Variants in KANTR observed in about 807,000 individuals in gnomAD.
KANTR encodes KDM5C adjacent transcript.
chrX:53,103,708 C>G (rs113269476), intron 2 of KANTR, among the ~76,000 whole-genome samples: 1,630 of 111,912 alleles, frequency 0.015, 30 homozygotes, highest in African/African-American at 0.05. Context: ...TGTCCTTACA[C>G]TCAGGCTTCC....
chrX:53,140,259 G>A (rs1331830721), intron 2 of KANTR, among the ~76,000 whole-genome samples: 2 of 111,888 alleles, frequency 1.8e-5, no homozygotes, highest in African/African-American at 6.5e-5. Flanking sequence ...CACTTTGGAA[G>A]GCCGAGGCAA....
At chrX:53,131,879 G>A (rs1473543787), downstream of KANTR, among the ~76,000 whole-genome samples, 3 of 112,139 alleles carry the variant, frequency 2.7e-5, no homozygotes, top group Non-Finnish European at 5.6e-5. Flanking sequence ...AAATCCAACT[G>A]AGTCCACCAA....
intron 2 of KANTR, among the ~76,000 whole-genome samples, chrX:53,104,632 A>G (rs1404116624): frequency 9.0e-6 from 1 of 111,535 alleles, no homozygotes; most frequent in East Asian, 2.8e-4. Context: ...TGTCTATTCT[A>G]GATATTCCAT....
At chrX:53,146,944 C>T (rs1556819441), downstream of KANTR, among the ~76,000 whole-genome samples, 1 of 111,791 alleles carries the variant, frequency 8.9e-6, no homozygotes, top group South Asian at 3.8e-4. Context: ...ACCAAGCCTG[C>T]CCTAAAAGAG....
downstream of KANTR, among the ~76,000 whole-genome samples, chrX:53,127,629 A>G (rs1221835530): frequency 1.8e-5 from 2 of 111,600 alleles, no homozygotes; most frequent in Non-Finnish European, 3.8e-5. Flanking sequence ...CTCAGTTGGT[A>G]GGGTTGTGGC....
intron 2 of KANTR, among the ~76,000 whole-genome samples, chrX:53,100,542 G>A (rs1932882142): frequency 9.1e-6 from 1 of 110,418 alleles, no homozygotes; most frequent in African/African-American, 3.3e-5. Context: ...GCTCACGCCT[G>A]TAATCCCAGC....
At chrX:53,143,149 C>CACAGA (rs1214702680), downstream of KANTR, 71 of 988,965 alleles carry the variant, frequency 7.2e-5, no homozygotes, top group Middle Eastern at 5.2e-4. Flanking sequence ...CACCTGCAGA[C>CACAGA]ACCAGAACCA....
chrX:53,138,950 A>G (rs952124153), intron 2 of KANTR, among the ~76,000 whole-genome samples: 10 of 110,367 alleles, frequency 9.1e-5, no homozygotes, highest in African/African-American at 3.0e-4. Flanking sequence ...ACAGTGTCTC[A>G]ACGCCTGTAA....
chrX:53,131,961 A>G (rs1556817091), downstream of KANTR, among the ~76,000 whole-genome samples: 1 of 112,553 alleles, frequency 8.9e-6, no homozygotes, highest in Non-Finnish European at 1.9e-5. Context: ...TACAAAAATT[A>G]GTTGTATATC....
At chrX:53,139,777 G>A (rs1556818203) in intron 2 of KANTR, among the ~76,000 whole-genome samples, 1 of 111,667 alleles carries the variant, frequency 9.0e-6, no homozygotes, top group East Asian at 2.8e-4. Flanking sequence ...AGTGAGCTGT[G>A]GTCATGCCAC....
intron 2 of KANTR, among the ~76,000 whole-genome samples, chrX:53,101,444 A>C: frequency 8.9e-6 from 1 of 111,747 alleles, no homozygotes; most frequent in African/African-American, 3.3e-5. Context: ...TGTCTCCAAA[A>C]AAATAAAAAT....
intron 2 of KANTR, among the ~76,000 whole-genome samples, chrX:53,133,417 G>T (rs1569240414): frequency 2.7e-5 from 3 of 109,901 alleles, no homozygotes; most frequent in Admixed American, 9.6e-5. Context: ...GAAAGTGTCT[G>T]TTCCCTTGGC....
At chrX:53,141,669 A>G (rs782192097) in intron 2 of KANTR, among the ~76,000 whole-genome samples, 4 of 87,490 alleles carry the variant, frequency 4.6e-5, no homozygotes, top group African/African-American at 7.7e-5. Flanking sequence ...CCCACTCTCT[A>G]TTATTGGATT....
intron 2 of KANTR, among the ~76,000 whole-genome samples, chrX:53,139,244 G>C (rs112341718): frequency 0.033 from 3,495 of 106,383 alleles, 206 homozygotes; most frequent in African/African-American, 0.12. Context: ...AAAAAAAAAG[G>C]AATTCTAGGT....
chrX:53,097,350 GTTT>G (rs781783647), intron 1 of KANTR, among the ~76,000 whole-genome samples: 1 of 67,976 alleles, frequency 1.5e-5, no homozygotes, highest in African/African-American at 5.3e-5. Flanking sequence ...TTTGTTTTAA[GTTT>G]TTTTTTTTTT....
At chrX:53,141,883 A>C (rs1772225732) in exon 3 of KANTR, 3 of 462,756 alleles carry the variant, frequency 6.5e-6, no homozygotes, top group Non-Finnish European at 8.8e-6. Context: ...CAAGGCAAGT[A>C]ACAGCCCACG....
intron 2 of KANTR, among the ~76,000 whole-genome samples, chrX:53,135,253 CACAA>C (rs1933407124): frequency 8.9e-6 from 1 of 112,128 alleles, no homozygotes; most frequent in Non-Finnish European, 1.9e-5. Flanking sequence ...GTAGCTTCAA[CACAA>C]ACAAAAACCT....
intron 2 of KANTR, among the ~76,000 whole-genome samples, chrX:53,121,731 A>G (rs1933224512): frequency 9.1e-6 from 1 of 110,480 alleles, no homozygotes; most frequent in Non-Finnish European, 1.9e-5. Context: ...TATTTGTCTG[A>G]AGTTTTGCTT....
chrX:53,123,483 T>C (rs1198460779), exon 3 of KANTR: 1 of 111,837 alleles, frequency 8.9e-6, no homozygotes, highest in African/African-American at 3.3e-5. Context: ...TGCATCATTA[T>C]TAGAACCATC....
Sources: gnomAD v4.1 joint callset for allele counts (sites outside exome capture counted in the v4.1 genomes callset) on GRCh38, gnomAD v4.1.1 for gene constraint, MANE v1.5 for transcripts, NCBI Gene and HGNC (gene_info 2026-07-23, HGNC 2026-07-21) for gene names.